The following ITK variants were observed in gnomAD, a reference collection of about 807,000 sequenced individuals.
ITK encodes the protein tyrosine-protein kinase ITK/TSK.
In ITK, 45 loss-of-function variants were observed where a neutral mutation model predicts 87.6. That is an observed-to-expected ratio of 0.51 (90% CI 0.40 to 0.66). ITK has a LOEUF of 0.66. Among genes scored for constraint, ITK ranks in the 30% least tolerant of loss-of-function variants. ITK has a pLI of 0.00. For synonymous variants in ITK, 303 were observed against 273.6 expected (o/e 1.11, Z -1.06); for missense variants, 605 against 766.3 (o/e 0.79, Z 2.48).
In ITK at chr5:157,253,212, G is replaced by A; in HGVS notation, c.*534G>A. The A allele has an allele frequency of 4.0e-6, 1 of 247,984 alleles. No homozygotes were observed. Among genetic ancestry groups the A allele is most frequent in the South Asian group, 1.2e-4 (1 of 8,250 alleles). The allele number at this position is 247,984 out of a possible 1,614,324, so 15.4% of individuals were successfully genotyped here. A position where few individuals can be genotyped will look rare whatever the true frequency, so the allele number is the denominator to read the frequency against. ...GAGTGTGCTCTGTTGCTGTGATGCT[G>A]TCAGCCACAGCTTCCTGCCGTAGAG... On this transcript the variant is annotated 3_prime_UTR_variant, in exon 17 of 17. Transcript: ENST00000422843.
chr5:157,205,975 C>CA (rs1754070878), intron 1 of ITK, among the ~76,000 whole-genome samples: 1 of 111,498 alleles, frequency 9.0e-6, no homozygotes, highest in Non-Finnish European at 1.8e-5. Flanking sequence ...AAGGATTAGC[C>CA]TTTTTTTTTT....
rs781268135 is a variant in ITK at position 157,248,995 on chromosome 5, C to G, written c.1779C>G (p.His593Gln). The stretch of plus-strand genomic sequence containing the variant: ...CACACGTCTACCAGATTATGAATCA[C>G]TGCTGGAAAGAGGTCAGTGGAGGAA... ...ASTHVYQIMN[H>Q]CWKERPEDRP... The change falls in exon 16 of 17, where the codon CAC becomes CAG. Residue 593 changes from histidine (H) to glutamine (Q), a missense_variant. Physicochemically the swap from His to Gln is conservative, Grantham distance 24. Coordinates refer to ENST00000422843, the MANE Select transcript of ITK (RefSeq NM_005546.4). 6.2e-6 allele frequency: 10 copies of G among 1,613,876 alleles called. No individual in the cohort carries two copies. Among genetic ancestry groups the G allele is most frequent in the Non-Finnish European group, 8.5e-6 (10 of 1,179,782 alleles).
intron 5 of ITK, among the ~76,000 whole-genome samples, chr5:157,220,111 GA>G (rs1754384535): frequency 6.6e-6 from 1 of 152,182 alleles, no homozygotes; most frequent in African/African-American, 2.4e-5. Context: ...GTCATACAGA[GA>G]AACTGTTTTT....
chr5:157,196,637 G>C (rs2113743391), intron 1 of ITK, among the ~76,000 whole-genome samples: 1 of 152,078 alleles, frequency 6.6e-6, no homozygotes, highest in African/African-American at 2.4e-5. Context: ...TAAAAGTTTT[G>C]TCATAGGGTT....
At chr5:157,222,112 C>T (rs1189230149) in intron 5 of ITK, among the ~76,000 whole-genome samples, 1 of 152,166 alleles carries the variant, frequency 6.6e-6, no homozygotes, top group Non-Finnish European at 1.5e-5. Context: ...GAACTTGTGA[C>T]TTCCTAACAC....
At chr5:157,185,114 G>A (rs1753615101) in intron 1 of ITK, among the ~76,000 whole-genome samples, 1 of 152,122 alleles carries the variant, frequency 6.6e-6, no homozygotes, top group Non-Finnish European at 1.5e-5. Context: ...GCTTTTGAAA[G>A]CATTACTGCT....
chr5:157,244,522 G>A (rs1050808158), intron 13 of ITK, 44 bp downstream of exon 13: 1 of 1,080,898 alleles, frequency 9.3e-7, no homozygotes, highest in South Asian at 1.2e-5. Context: ...AGGGTAAAGG[G>A]ACAGTTCTCA....
Position 157,211,269 on chromosome 5 carries a change from C to T in ITK, c.244-18C>T, listed in dbSNP as rs1476606778. On this transcript the variant is annotated intron_variant, in intron 2 of 16. Transcript: ENST00000422843. ...CCATGCACGCTGCTCACCTTGAACT[C>T]TGTGTGTGTGTCTCCAGGTGGTGCA... 6.2e-7 allele frequency: 1 copy of T among 1,606,804 alleles called. No individual in the cohort carries two copies.
chr5:157,190,642 G>A (rs1388206088), intron 1 of ITK, among the ~76,000 whole-genome samples: 1 of 152,224 alleles, frequency 6.6e-6, no homozygotes, highest in African/African-American at 2.4e-5. Context: ...AGACCAGGCA[G>A]CCACTCTGGC....
intron 1 of ITK, among the ~76,000 whole-genome samples, chr5:157,185,341 T>G (rs1048229186): frequency 8.6e-5 from 13 of 151,618 alleles, no homozygotes; most frequent in Non-Finnish European, 1.5e-4. Flanking sequence ...CAGGTTCAAG[T>G]GATTCCTCTG....
At chr5:157,248,398 C>CT (rs1249856435) in intron 15 of ITK, among the ~76,000 whole-genome samples, 1 of 151,996 alleles carries the variant, frequency 6.6e-6, no homozygotes, top group Admixed American at 6.6e-5. Flanking sequence ...TTTTTGACGT[C>CT]TTTTTTAAAA....
intron 1 of ITK, among the ~76,000 whole-genome samples, chr5:157,194,357 T>C (rs1165704005): frequency 6.6e-6 from 1 of 152,166 alleles, no homozygotes; most frequent in African/African-American, 2.4e-5. Context: ...TGGGGTGGCC[T>C]CTGACAAGGA....
At chr5:157,235,599 G>A (rs1039792871) in intron 8 of ITK, among the ~76,000 whole-genome samples, 1 of 152,178 alleles carries the variant, frequency 6.6e-6, no homozygotes, top group African/African-American at 2.4e-5. Context: ...AGGGTGACCT[G>A]AAGTTCAGAC....
intron 1 of ITK, among the ~76,000 whole-genome samples, chr5:157,188,077 A>G (rs1753681708): frequency 6.6e-6 from 1 of 152,216 alleles, no homozygotes; most frequent in Non-Finnish European, 1.5e-5. Context: ...CTGGGATTAC[A>G]GGCATGAGCC....
At chr5:157,181,968 C>T (rs1361029659) in intron 1 of ITK, among the ~76,000 whole-genome samples, 2 of 152,178 alleles carry the variant, frequency 1.3e-5, no homozygotes, top group East Asian at 3.8e-4. Flanking sequence ...GTGATCCAGT[C>T]TGGGCAAATG....
intron 5 of ITK, among the ~76,000 whole-genome samples, chr5:157,221,703 G>C (rs35697569): frequency 6.6e-6 from 1 of 152,056 alleles, no homozygotes; most frequent in Non-Finnish European, 1.5e-5. Context: ...ACCTGCAGTG[G>C]GATGAATGCC....
At chr5:157,242,469 G>A (rs1227066438) in intron 11 of ITK, among the ~76,000 whole-genome samples, 5 of 152,098 alleles carry the variant, frequency 3.3e-5, no homozygotes, top group Non-Finnish European at 5.9e-5. Context: ...ATCCTTGATA[G>A]GGTCCTGGAG....
chr5:157,247,639 A>G (rs559081668), intron 15 of ITK, among the ~76,000 whole-genome samples: 233 of 152,334 alleles, frequency 1.5e-3, no homozygotes, highest in Non-Finnish European at 2.7e-3. Context: ...GAGAGTCCAG[A>G]AATGAGGTTG....
In ITK at chr5:157,223,020, T is replaced by C. The variant is rs752093655; in HGVS notation, c.647+6T>C. 3 of 1,613,982 alleles carry C rather than the reference T, an allele frequency of 1.9e-6. No homozygotes were observed. Among genetic ancestry groups the C allele is most frequent in the Non-Finnish European group, 2.5e-6 (3 of 1,179,982 alleles). ...AGAGTCCAGGACAGGAATGGGTAAG[T>C]CATCTTTGTGGCTGCTGTCCCCGTG... On this transcript the variant is annotated splice_donor_region_variant and intron_variant, in intron 6 of 16. Transcript: ENST00000422843.
Sources: gnomAD v4.1 joint callset for allele counts (sites outside exome capture counted in the v4.1 genomes callset) on GRCh38, gnomAD v4.1.1 for gene constraint, MANE v1.5 for transcripts, NCBI Gene and HGNC (gene_info 2026-07-23, HGNC 2026-07-21) for gene names.